Variants in OR7A10 observed in about 807,000 individuals in gnomAD.
The protein encoded by OR7A10 is olfactory receptor 7A10.
For synonymous variants in OR7A10, 144 were observed against 144.5 expected (o/e 1.00, Z 0.02); for missense variants, 358 against 370.1 (o/e 0.97, Z 0.27).
At chr19:14,842,365 C>G (rs1176751409) in intron 1 of OR7A10, among the ~76,000 whole-genome samples, 4 of 152,224 alleles carry the variant, frequency 2.6e-5, no homozygotes, top group Non-Finnish European at 4.4e-5. Context: ...AATCTTGTGC[C>G]TCAACTTCCC....
chr19:14,845,945 G>A (rs1489374608), intron 1 of OR7A10, among the ~76,000 whole-genome samples: 1 of 152,144 alleles, frequency 6.6e-6, no homozygotes, highest in Non-Finnish European at 1.5e-5. Flanking sequence ...CAGGAGGTTA[G>A]GAGTCAAGAC....
chr19:14,841,861 T>C lies in OR7A10; in HGVS notation c.17A>G (p.Asn6Ser), dbSNP rs1320790601. The C allele has an allele frequency of 4.4e-6, 7 of 1,607,890 alleles. No individual in the cohort carries two copies. The highest frequency in any genetic ancestry group is 1.7e-5 in the Admixed American group (1 of 59,806). The change falls in exon 2 of 2, where the codon AAT becomes AGT. Residue 6 changes from asparagine to serine, a missense_variant. Physicochemically the swap from Asn to Ser is conservative, Grantham distance 46. Coordinates refer to ENST00000641129, the MANE Select transcript of OR7A10 (RefSeq NM_001005190.2). Reference sequence around the variant, plus strand: ...GAGAAGAAATTCTAAAATTATTGTATTGTTCCATGATTTCATCTTGTGATG... The same window carrying C: ...GAGAAGAAATTCTAAAATTATTGTACTGTTCCATGATTTCATCTTGTGATG... MKSWN[N>S]TIILEFLLLG...
rs561178117 is a variant in OR7A10 at position 14,840,811 on chromosome 19, G to C, written c.*137C>G. 3.2e-6 allele frequency: 2 copies of C among 623,870 alleles called. No homozygotes were observed. Among genetic ancestry groups the C allele is most frequent in the South Asian group, 4.3e-5 (2 of 46,426 alleles). The allele number at this position is 623,870 out of a possible 1,614,324, so 38.6% of individuals were successfully genotyped here. A position where few individuals can be genotyped will look rare whatever the true frequency, so the allele number is the denominator to read the frequency against. ...AGTGTAAGCTCTATAAAGTAGTTGA[G>C]GAACAAAGAAGTTTAAACTCCAGGA... On this transcript the variant is annotated 3_prime_UTR_variant, in exon 2 of 2. Coordinates refer to ENST00000641129, the MANE Select transcript of OR7A10 (RefSeq NM_001005190.2).
rs189116839 is a variant in OR7A10, at chr19:14,847,659, C to T, written c.-13+841G>A. Reference sequence around the variant, plus strand: ...CCGAGTAGCTGGGACTACAAGCGCCCGCCACCACGCCAGGCTAATTTGTTT... The same window carrying T: ...CCGAGTAGCTGGGACTACAAGCGCCTGCCACCACGCCAGGCTAATTTGTTT... On this transcript the variant is annotated intron_variant, in intron 1 of 1. Coordinates refer to ENST00000641129, the MANE Select transcript of OR7A10 (RefSeq NM_001005190.2). Among the ~76,000 whole-genome samples, 1,016 of 152,056 alleles carry T rather than the reference C, an allele frequency of 6.7e-3. 3 individuals are homozygous for T. Among genetic ancestry groups the T allele is most frequent in the Non-Finnish European group, 0.011 (737 of 67,956 alleles).
At chr19:14,843,169 A>T (rs1030783200) in intron 1 of OR7A10, among the ~76,000 whole-genome samples, 2 of 152,232 alleles carry the variant, frequency 1.3e-5, no homozygotes, top group African/African-American at 4.8e-5. Context: ...ATAATTGAAA[A>T]GTCAAAAAAT....
At position 14,841,894 on chromosome 19, in the gene OR7A10, CAGAGAGAGAGAG is replaced by C. The variant is rs141373725; in HGVS notation, c.-12-17_-12-6del. On this transcript the variant is annotated splice_polypyrimidine_tract_variant and splice_region_variant and intron_variant, in intron 1 of 1. Coordinates refer to ENST00000641129, the MANE Select transcript of OR7A10 (RefSeq NM_001005190.2). ...TGATTTCATCTTGTGATGTGACTAC[CAGAGAGAGAGAG>C]AGAGAGAGAGAGAGAGTGAAAGAAC... 8.5e-6 allele frequency: 11 copies of C among 1,295,904 alleles called. No individual in the cohort carries two copies. The highest frequency in any genetic ancestry group is 4.7e-5 in the African/African-American group (3 of 63,896). 80.3% of individuals were successfully genotyped at this position (1,295,904 alleles called of 1,614,324 possible).
Position 14,841,261 on chromosome 19 carries a change from A to G in OR7A10, c.617T>C (p.Leu206Pro), listed in dbSNP as rs190645927. ...GATCCCAGTGAGGGGACCACCGCCC[A>G]GCAGCGCTACTGCAAAATACATCAC... is the stretch of plus-strand genomic sequence containing the variant. ...DIVMYFAVAL[L>P]GGGPLTGILY... Residue 206 changes from leucine (L) to proline (P), a missense_variant, in exon 2 of 2, where the codon CTG becomes CCG. By Grantham distance (98) the Leu-to-Pro change is moderately conservative. Transcript: ENST00000641129. The G allele has an allele frequency of 1.9e-6, 3 of 1,614,236 alleles. No homozygotes were observed. The East Asian group carries it at 6.7e-5, about 36-fold the overall frequency.
intron 1 of OR7A10, among the ~76,000 whole-genome samples, chr19:14,847,183 TA>T (rs1310335484): frequency 2.0e-5 from 3 of 152,204 alleles, no homozygotes; most frequent in Non-Finnish European, 4.4e-5. Flanking sequence ...AAGAATGTAA[TA>T]AAAAACACGA....
chr19:14,844,664 G>GTTTTTTGTTTTTTTTTTTTTTTTTTTTTT (rs1555697160), intron 1 of OR7A10, among the ~76,000 whole-genome samples: 1 of 97,660 alleles, frequency 1.0e-5, no homozygotes, highest in Non-Finnish European at 2.0e-5. Context: ...TGAGTTCTGT[G>GTTTTTTGTTTTTTTTTTTTTTTTTTTTTT]TTTTTTTTTT....
Position 14,841,165 on chromosome 19 carries a change from A to G in OR7A10, c.713T>C (p.Phe238Ser). 2.5e-6 allele frequency: 4 copies of G among 1,614,124 alleles called. No homozygotes were observed. Among genetic ancestry groups the G allele is most frequent in the Non-Finnish European group, 3.4e-6 (4 of 1,180,014 alleles). The change falls in exon 2 of 2, where the codon TTT becomes TCT. Residue 238 changes from phenylalanine (F) to serine (S), a missense_variant. Transcript: ENST00000641129. ...ISSAQGKYKA[F>S]STCASHLSVV... ...TGAGAGGTGAGATGCACAGGTGGAAAATGCCTTATACTTCCCCTGAGCTGA... is the reference window on the plus strand; with the variant it reads ...TGAGAGGTGAGATGCACAGGTGGAAGATGCCTTATACTTCCCCTGAGCTGA...
Position 14,841,063 on chromosome 19 carries a change from G to A in OR7A10, c.815C>T (p.Ala272Val), listed in dbSNP as rs776205808. Residue 272 changes from alanine to valine, a missense_variant, in exon 2 of 2, where the codon GCT (alanine) becomes GTT (valine). Ala to Val is a moderately conservative substitution (Grantham distance 64, BLOSUM62 0). Transcript: ENST00000641129. The part of the protein sequence containing the change: ...SAATHNSHTG[A>V]AASVMYTVVT... ...CACAGTGTACATCACTGAGGCTGCA[G>A]CACCTGTGTGTGAATTGTGGGTGGC... 153 of 1,614,094 alleles carry A rather than the reference G, an allele frequency of 9.5e-5. 3 individuals are homozygous for A. In the South Asian group the frequency reaches 1.4e-3, roughly 15 times the overall value.
chr19:14,848,155 T>C (rs978054342), intron 1 of OR7A10, among the ~76,000 whole-genome samples: 1 of 151,676 alleles, frequency 6.6e-6, no homozygotes. Flanking sequence ...TCCTTTCGTA[T>C]CCCCCATAGC....
intron 1 of OR7A10, among the ~76,000 whole-genome samples, chr19:14,842,630 T>C (rs1057490029): frequency 6.6e-6 from 1 of 152,240 alleles, no homozygotes; most frequent in Admixed American, 6.5e-5. Flanking sequence ...GGTTTCTTGT[T>C]CCTGCATTAG....
intron 1 of OR7A10, among the ~76,000 whole-genome samples, chr19:14,848,095 C>T (rs2044951760): frequency 6.6e-6 from 1 of 150,824 alleles, no homozygotes; most frequent in South Asian, 2.1e-4. Context: ...TGCACTCCAG[C>T]CTGGGCGACA....
intron 1 of OR7A10, among the ~76,000 whole-genome samples, chr19:14,847,718 G>C (rs1217846511): frequency 6.6e-6 from 1 of 151,792 alleles, no homozygotes; most frequent in Non-Finnish European, 1.5e-5. Flanking sequence ...GTTTCACTGT[G>C]TTAGCTAGGA....
chr19:14,843,089 G>A (rs1418767399), intron 1 of OR7A10, among the ~76,000 whole-genome samples: 1 of 152,100 alleles, frequency 6.6e-6, no homozygotes, highest in Non-Finnish European at 1.5e-5. Context: ...AATGCTCAAC[G>A]TCCCTAATCA....
chr19:14,842,715 C>T (rs959003001), intron 1 of OR7A10, among the ~76,000 whole-genome samples: 4 of 152,230 alleles, frequency 2.6e-5, no homozygotes, highest in African/African-American at 7.2e-5. Context: ...ATTATGGCTT[C>T]GTAATATTCC....
At chr19:14,848,249 C>A (rs2145099869) in intron 1 of OR7A10, among the ~76,000 whole-genome samples, 1 of 152,300 alleles carries the variant, frequency 6.6e-6, no homozygotes, top group East Asian at 1.9e-4. Flanking sequence ...TTAGACCCCA[C>A]ATTTTCTCTT....
Position 14,841,308 on chromosome 19 carries a change from A to G in OR7A10, c.570T>C (p.Ser190=). 1 of 1,614,234 alleles carries G rather than the reference A, an allele frequency of 6.2e-7. No homozygotes were observed. Among genetic ancestry groups the G allele is most frequent in the Non-Finnish European group, 8.5e-7 (1 of 1,180,034 alleles). Residue 190 remains serine, a synonymous_variant, in exon 2 of 2, where the codon TCT becomes TCC. Coordinates refer to ENST00000641129, the MANE Select transcript of OR7A10 (RefSeq NM_001005190.2). ...TCACTATGTCATTAAGAAAGGTGTC[A>G]GAACAGGCAAGGTGGACCACCTGAT... ...EINQVVHLAC[S]DTFLNDIVMY...
Sources: allele counts gnomAD v4.1 joint callset (sites outside exome capture counted in the v4.1 genomes callset), GRCh38; gene constraint gnomAD v4.1.1; transcripts MANE v1.5; gene names NCBI Gene and HGNC (gene_info 2026-07-23, HGNC 2026-07-21).